OSBPL2: variants seen among roughly 807,000 people sequenced by gnomAD.
OSBPL2 encodes oxysterol binding protein like 2.
A neutral mutation model predicts 58.4 loss-of-function variants in OSBPL2; 18 were observed. The observed-to-expected ratio is 0.31, with a 90% confidence interval of 0.21 to 0.46. The LOEUF is 0.46. Ranked by LOEUF, OSBPL2 falls within the 20% of genes least tolerant of loss-of-function variation. The pLI is 1.00. For missense variants in OSBPL2, 461 were observed against 616.5 expected (o/e 0.75, Z 2.67); for synonymous variants, 221 against 234.1 (o/e 0.94, Z 0.51).
chr20:62,263,190 T>G (rs1023552599), intron 3 of OSBPL2, among the ~76,000 whole-genome samples: 1 of 152,326 alleles, frequency 6.6e-6, no homozygotes, highest in East Asian at 1.9e-4. Context: ...AGCACGTGTT[T>G]AAAGGGCGGA....
intron 1 of OSBPL2, among the ~76,000 whole-genome samples, chr20:62,251,301 G>A (rs946669935): frequency 1.5e-4 from 23 of 150,510 alleles, no homozygotes; most frequent in Non-Finnish European, 2.8e-4. Context: ...TGATCCACCC[G>A]CCTTGGCCTC....
chr20:62,279,993 A>G (rs939893745), intron 7 of OSBPL2: 3 of 1,304,074 alleles, frequency 2.3e-6, no homozygotes, highest in East Asian at 1.1e-4. Context: ...CTCAGCCTAA[A>G]TGCTCCCCAA....
At chr20:62,267,546 C>A (rs1364719702) in intron 4 of OSBPL2, among the ~76,000 whole-genome samples, 1 of 152,110 alleles carries the variant, frequency 6.6e-6, no homozygotes, top group Non-Finnish European at 1.5e-5. Context: ...CAGGAGGCCA[C>A]CGGGGTAGTC....
At chr20:62,244,775 C>T (rs1049141113) in intron 1 of OSBPL2, among the ~76,000 whole-genome samples, 2 of 152,250 alleles carry the variant, frequency 1.3e-5, no homozygotes, top group East Asian at 1.9e-4. Context: ...CCACACTGGC[C>T]GCGAGGCCCA....
chr20:62,269,494 G>C lies in OSBPL2; in HGVS notation c.259-2631G>C, dbSNP rs920177648. 6.6e-6 allele frequency among the ~76,000 whole-genome samples: 1 copy of C among 152,158 alleles called. No individual in the cohort carries two copies. Among genetic ancestry groups the C allele is most frequent in the Admixed American group, 6.5e-5 (1 of 15,274 alleles). On this transcript the variant is annotated intron_variant, in intron 4 of 13. Coordinates refer to ENST00000313733, the MANE Select transcript of OSBPL2 (RefSeq NM_144498.4). This position sits in a 1 kb window ranked among gnomAD's most constrained non-coding sequence, Gnocchi z 4.2. ...ACAGCAGCCGGGGGGCTTTCCCTGG[G>C]TGGGAGTTGCACACAGTTGCGATAC...
intron 1 of OSBPL2, among the ~76,000 whole-genome samples, chr20:62,251,900 G>T (rs1476286584): frequency 5.3e-5 from 2 of 37,854 alleles, no homozygotes; most frequent in East Asian, 1.5e-3. Context: ...TTTTTTTCTG[G>T]AGACAGGGTC....
At chr20:62,281,437 G>A (rs1326059852) in intron 8 of OSBPL2, 11 of 518,682 alleles carry the variant, frequency 2.1e-5, no homozygotes, top group South Asian at 2.0e-4. Context: ...CAGGTGCAGC[G>A]CAGTGGCCGT....
chr20:62,255,420 CT>C (rs1980855767), intron 1 of OSBPL2, among the ~76,000 whole-genome samples: 1 of 152,118 alleles, frequency 6.6e-6, no homozygotes, highest in African/African-American at 2.4e-5. Flanking sequence ...GCGCCCATGA[CT>C]TTTCCCAAAT....
chr20:62,256,048 TCCC>T lies in OSBPL2; in HGVS notation c.-128-8_-128-6del. On this transcript the variant is annotated splice_polypyrimidine_tract_variant and splice_region_variant and intron_variant, in intron 1 of 13. Coordinates refer to ENST00000313733, the MANE Select transcript of OSBPL2 (RefSeq NM_144498.4). The stretch of plus-strand genomic sequence containing the variant: ...GAAGCTAAGTATGCCAAAATTTTTT[TCCC>T]TTTAGATCTTCAGTGTCTATTGGAT... 2 of 990,254 alleles carry T rather than the reference TCCC, an allele frequency of 2.0e-6. No individual in the cohort carries two copies. Among genetic ancestry groups the T allele is most frequent in the Non-Finnish European group, 1.5e-6 (1 of 689,472 alleles). 61.3% of individuals were successfully genotyped at this position (990,254 alleles called of 1,614,324 possible). A position where few individuals can be genotyped will look rare whatever the true frequency, so the allele number is the denominator to read the frequency against.
At chr20:62,254,584 AGCT>A (rs1980794315) in intron 1 of OSBPL2, among the ~76,000 whole-genome samples, 1 of 152,248 alleles carries the variant, frequency 6.6e-6, no homozygotes, top group African/African-American at 2.4e-5. Flanking sequence ...GGAGGGAAGC[AGCT>A]GCTGCTGCCC....
At chr20:62,258,689 T>C (rs1439352167) in intron 2 of OSBPL2, among the ~76,000 whole-genome samples, 3 of 152,120 alleles carry the variant, frequency 2.0e-5, no homozygotes, top group South Asian at 2.1e-4. Context: ...TATTAGGCCA[T>C]CCATGTAGTG....
intron 3 of OSBPL2, among the ~76,000 whole-genome samples, chr20:62,261,858 A>G (rs1981334527): frequency 6.6e-6 from 1 of 152,184 alleles, no homozygotes; most frequent in Non-Finnish European, 1.5e-5. Flanking sequence ...TCCCAGGTTC[A>G]GATGATTCTC....
At chr20:62,274,798 G>A (rs117445240) in intron 6 of OSBPL2, among the ~76,000 whole-genome samples, 7,401 of 152,358 alleles carry the variant, frequency 0.049, 253 homozygotes, top group Middle Eastern at 0.13. Context: ...CTGCTGGGCT[G>A]CACGCCTCCC....
chr20:62,269,890 C>A lies in OSBPL2; in HGVS notation c.259-2235C>A, dbSNP rs2145948056. 6.6e-6 allele frequency among the ~76,000 whole-genome samples: 1 copy of A among 152,344 alleles called. No homozygotes were observed. On this transcript the variant is annotated intron_variant, in intron 4 of 13. Transcript: ENST00000313733. This position sits in a 1 kb window ranked among gnomAD's most constrained non-coding sequence, Gnocchi z 4.2. ...GCCTCAGTTGGAATCCAGTTCTAGC[C>A]CCTCCTAAGCCCACAGTCCCCGTGT...
At chr20:62,263,034 G>T (rs1981417990) in intron 3 of OSBPL2, among the ~76,000 whole-genome samples, 1 of 152,220 alleles carries the variant, frequency 6.6e-6, no homozygotes, top group African/African-American at 2.4e-5. Context: ...CTGGTGGGGA[G>T]ACCAGGGCCC....
In OSBPL2 at chr20:62,283,952, A is replaced by T; in HGVS notation, c.873-94A>T. The T allele has an allele frequency of 3.1e-6, 4 of 1,295,214 alleles. No homozygotes were observed. The Middle Eastern group carries it at 6.0e-4, about 195-fold the overall frequency. 80.2% of individuals were successfully genotyped at this position (1,295,214 alleles called of 1,614,324 possible). On this transcript the variant is annotated intron_variant, in intron 9 of 13. Transcript: ENST00000313733. ...GATGTCCCAAGATGCATAAGAAAACATACCTGAGGGGAATTTATTCCAGGG... is the reference window on the plus strand; with the variant it reads ...GATGTCCCAAGATGCATAAGAAAACTTACCTGAGGGGAATTTATTCCAGGG...
At chr20:62,252,497 G>T (rs1281390099) in intron 1 of OSBPL2, among the ~76,000 whole-genome samples, 2 of 152,186 alleles carry the variant, frequency 1.3e-5, no homozygotes, top group Non-Finnish European at 2.9e-5. Flanking sequence ...CTCCTCCCGG[G>T]CGCCTCCTTT....
At chr20:62,275,011 G>A (rs931937450) in intron 6 of OSBPL2, among the ~76,000 whole-genome samples, 18 of 152,202 alleles carry the variant, frequency 1.2e-4, no homozygotes, top group African/African-American at 4.1e-4. Context: ...TAGAAAATGT[G>A]TAACATTGAG....
intron 12 of OSBPL2, among the ~76,000 whole-genome samples, chr20:62,290,962 T>C (rs1369263548): frequency 6.6e-6 from 1 of 152,164 alleles, no homozygotes; most frequent in Non-Finnish European, 1.5e-5. Context: ...GGTCTCAAAC[T>C]GCTGACCTCA....
Sources: gnomAD v4.1 joint callset for allele counts (sites outside exome capture counted in the v4.1 genomes callset) on GRCh38, gnomAD v4.1.1 for gene constraint, Gnocchi (gnomAD v3.1) non-coding constraint, MANE v1.5 for transcripts, NCBI Gene and HGNC (gene_info 2026-07-23, HGNC 2026-07-21) for gene names.